Variants in TCF7L1 observed in about 807,000 individuals in gnomAD.
TCF7L1 encodes transcription factor 7-like 1.
A neutral mutation model predicts 63.7 loss-of-function variants in TCF7L1; 18 were observed. The observed-to-expected ratio is 0.28, with a 90% CI of 0.20 to 0.42. TCF7L1 has a LOEUF of 0.42. Ranked by LOEUF, TCF7L1 falls within the 10% of genes least tolerant of loss-of-function variation. The probability of loss-of-function intolerance (pLI) is 1.00; values close to 1 mark genes in which losing one functional copy is unlikely to be tolerated. For missense variants in TCF7L1, 654 were observed against 779.3 expected, an observed-to-expected ratio of 0.84 and a Z score of 1.91; for synonymous variants, 355 against 340.9, an observed-to-expected ratio of 1.04 and a Z score of -0.46.
At chr2:85,166,548 TG>T (rs1678422822) in intron 3 of TCF7L1, among the ~76,000 whole-genome samples, 1 of 152,208 alleles carries the variant, frequency 6.6e-6, no homozygotes, top group Admixed American at 6.5e-5. Flanking sequence ...CTGGTGGGCA[TG>T]GGGGTACCCA....
chr2:85,144,702 C>T (rs1677827506), intron 3 of TCF7L1, among the ~76,000 whole-genome samples: 1 of 104,568 alleles, frequency 9.6e-6, no homozygotes. Flanking sequence ...TTCCCATCCC[C>T]CTTTCTCTCT....
intron 3 of TCF7L1, among the ~76,000 whole-genome samples, chr2:85,275,416 C>T (rs1681247832): frequency 6.6e-6 from 1 of 152,134 alleles, no homozygotes; most frequent in Non-Finnish European, 1.5e-5. Context: ...AGATCATCCA[C>T]AAAAGAAAGA....
intron 3 of TCF7L1, among the ~76,000 whole-genome samples, chr2:85,281,810 A>G (rs1681427627): frequency 6.6e-6 from 1 of 152,012 alleles, no homozygotes; most frequent in African/African-American, 2.4e-5. Context: ...GCCCATGGAC[A>G]CCTTTTTGAA....
intron 3 of TCF7L1, among the ~76,000 whole-genome samples, chr2:85,136,225 G>A (rs924117670): frequency 8.5e-5 from 13 of 152,102 alleles, no homozygotes; most frequent in Admixed American, 2.6e-4. Flanking sequence ...CTCCCTCAAG[G>A]CTATTTCTCC....
chr2:85,248,810 C>T (rs1680526413), intron 3 of TCF7L1, among the ~76,000 whole-genome samples: 1 of 152,198 alleles, frequency 6.6e-6, no homozygotes, highest in African/African-American at 2.4e-5. Context: ...AGAATAAACC[C>T]ACCCAGGTGG....
chr2:85,208,627 G>T (rs553562593), intron 3 of TCF7L1, among the ~76,000 whole-genome samples: 39 of 152,254 alleles, frequency 2.6e-4, no homozygotes, highest in Non-Finnish European at 2.4e-4. Flanking sequence ...TTGTCTCATG[G>T]TGCAGTTTTA....
chr2:85,260,421 G>A (rs993715607), intron 3 of TCF7L1, among the ~76,000 whole-genome samples: 1 of 151,940 alleles, frequency 6.6e-6, no homozygotes, highest in Admixed American at 6.6e-5. Context: ...CAGATTGCTT[G>A]AGCCCAGGAG....
At chr2:85,258,342 C>T (rs577299286) in intron 3 of TCF7L1, among the ~76,000 whole-genome samples, 1 of 152,298 alleles carries the variant, frequency 6.6e-6, no homozygotes, top group African/African-American at 2.4e-5. Context: ...GAATGGGATC[C>T]TGAGGCTTGA....
At position 85,234,068 on chromosome 2, in the gene TCF7L1, G is replaced by A. The variant is rs1270854372; in HGVS notation, c.442-49427G>A. On this transcript the variant is annotated intron_variant, in intron 3 of 11. Transcript: ENST00000282111. ...TGTGAGAATATAATCTTCTAATAAG[G>A]CATTTCACTTTTCATCTCTCTTGTT... 1.3e-5 allele frequency among the ~76,000 whole-genome samples: 2 copies of A among 150,514 alleles called. 1 individual carries two copies. The highest frequency in any genetic ancestry group is 6.5e-3 in the Middle Eastern group (2 of 308).
Position 85,304,336 on chromosome 2 carries a change from C to T in TCF7L1, c.843C>T (p.Ser281=), listed in dbSNP as rs966396566. The change falls in exon 7 of 12, where the codon TCC becomes TCT. Residue 281 remains serine, a splice_region_variant and synonymous_variant. Coordinates refer to ENST00000282111, the MANE Select transcript of TCF7L1 (RefSeq NM_031283.3). Reference sequence around the variant, plus strand: ...CCCTCGCCATGAACGCCTCGATGTCCAGGTGAGTCCCGGGGCTGGGGCTGT... The same window carrying T: ...CCCTCGCCATGAACGCCTCGATGTCTAGGTGAGTCCCGGGGCTGGGGCTGT... ...YPALAMNASM[S]SLVSSRFSPH... 1 of 1,613,944 alleles carries T rather than the reference C, an allele frequency of 6.2e-7. No homozygotes were observed. The highest frequency in any genetic ancestry group is 1.3e-5 in the African/African-American group (1 of 75,030).
intron 3 of TCF7L1, among the ~76,000 whole-genome samples, chr2:85,193,571 G>A (rs142311663): frequency 9.2e-5 from 14 of 152,230 alleles, no homozygotes; most frequent in African/African-American, 3.1e-4. Flanking sequence ...AGGACAGCTG[G>A]CAGCATTTGA....
chr2:85,267,665 A>G (rs1222083465), intron 3 of TCF7L1, among the ~76,000 whole-genome samples: 1 of 151,788 alleles, frequency 6.6e-6, no homozygotes, highest in Non-Finnish European at 1.5e-5. Context: ...AAAAAAAAAA[A>G]AAGAGTTGGC....
chr2:85,286,936 G>T (rs571637981), intron 4 of TCF7L1, among the ~76,000 whole-genome samples: 2 of 152,196 alleles, frequency 1.3e-5, no homozygotes, highest in East Asian at 3.9e-4. Context: ...AGACCCTGTC[G>T]TGAACAAAAA....
intron 3 of TCF7L1, among the ~76,000 whole-genome samples, chr2:85,263,771 G>A (rs377516061): frequency 1.3e-4 from 20 of 152,240 alleles, no homozygotes; most frequent in African/African-American, 3.4e-4. Context: ...CGTGATCACC[G>A]CGTGGGTGCC....
chr2:85,171,673 T>A (rs1302285277), intron 3 of TCF7L1, among the ~76,000 whole-genome samples: 1 of 152,234 alleles, frequency 6.6e-6, no homozygotes, highest in East Asian at 1.9e-4. Context: ...CTATGCAGTT[T>A]CACTGATAGA....
At chr2:85,163,778 G>A (rs1351897100) in intron 3 of TCF7L1, among the ~76,000 whole-genome samples, 1 of 152,068 alleles carries the variant, frequency 6.6e-6, no homozygotes. Context: ...GGCTTGTAGG[G>A]GGCTGCCTTC....
Position 85,309,542 on chromosome 2 carries a change from T to G in TCF7L1, c.*80T>G. ...GAAGAAAAAGAAAAAGGAGACTTTA[T>G]TGGTCAATATTTGACCACTCTGGAC... On this transcript the variant is annotated 3_prime_UTR_variant, in exon 12 of 12. Transcript: ENST00000282111. The G allele has an allele frequency of 1.4e-6, 2 of 1,442,304 alleles. No individual in the cohort carries two copies. Among genetic ancestry groups the G allele is most frequent in the Non-Finnish European group, 1.9e-6 (2 of 1,077,354 alleles). 89.3% of individuals were successfully genotyped at this position (1,442,304 alleles called of 1,614,324 possible).
At chr2:85,205,384 A>G (rs946218844) in intron 3 of TCF7L1, among the ~76,000 whole-genome samples, 1 of 152,216 alleles carries the variant, frequency 6.6e-6, no homozygotes, top group Non-Finnish European at 1.5e-5. Context: ...GGCTGTAGCA[A>G]TACCATACTT....
intron 3 of TCF7L1, among the ~76,000 whole-genome samples, chr2:85,191,367 T>A (rs2104264847): frequency 6.6e-6 from 1 of 152,334 alleles, no homozygotes; most frequent in Non-Finnish European, 1.5e-5. Context: ...AGGTGCTATG[T>A]GACATCTCAC....
Sources: gnomAD v4.1 joint callset for allele counts (sites outside exome capture counted in the v4.1 genomes callset) on GRCh38, gnomAD v4.1.1 for gene constraint, MANE v1.5 for transcripts, NCBI Gene and HGNC (gene_info 2026-07-23, HGNC 2026-07-21) for gene names.